Variants in DGKI observed in about 807,000 individuals in gnomAD.
DGKI encodes DAG kinase iota.
In DGKI, 55 loss-of-function variants were observed where a neutral mutation model predicts 147.5. That is an observed-to-expected ratio of 0.37 (90% CI 0.30 to 0.47). The LOEUF is 0.47. Among genes scored for constraint, DGKI ranks in the 20% least tolerant of loss-of-function variants. The probability of loss-of-function intolerance (pLI) is 1.00; values close to 1 mark genes in which losing one functional copy is unlikely to be tolerated. For missense variants in DGKI, 1,007 were observed against 1,323.8 expected (o/e 0.76, Z 3.71); for synonymous variants, 469 against 477.1 (o/e 0.98, Z 0.22).
chr7:137,832,677 C>T (rs1798252969), intron 1 of DGKI, among the ~76,000 whole-genome samples: 1 of 152,230 alleles, frequency 6.6e-6, no homozygotes, highest in Admixed American at 6.5e-5. Flanking sequence ...TCCCCATTGT[C>T]TTGGTGATTA....
In DGKI at chr7:137,794,868, C is replaced by A. The variant is rs537598830; in HGVS notation, c.401+51594G>T. ...ATTGTTCACAGAAATATTAGATATA[C>A]CATTCCCCTTGGAGACACAGATATC... On this transcript the variant is annotated intron_variant, in intron 1 of 32. Coordinates refer to ENST00000614521, the MANE Select transcript of DGKI (RefSeq NM_001321708.2). Among the ~76,000 whole-genome samples the A allele has an allele frequency of 5.9e-5, 9 of 152,298 alleles. No homozygotes were observed. The East Asian group carries it at 1.5e-3, about 26-fold the overall frequency.
At chr7:137,648,779 G>T (rs1300783265) in intron 5 of DGKI, among the ~76,000 whole-genome samples, 1 of 151,890 alleles carries the variant, frequency 6.6e-6, no homozygotes, top group Admixed American at 6.6e-5. Context: ...GGATAAGAGG[G>T]GACTACTGTA....
At chr7:137,664,795 A>G (rs1222300163) in intron 3 of DGKI, among the ~76,000 whole-genome samples, 4 of 152,234 alleles carry the variant, frequency 2.6e-5, no homozygotes, top group Non-Finnish European at 5.9e-5. Flanking sequence ...GAGACAGACA[A>G]CAAACAAGAG....
intron 1 of DGKI, among the ~76,000 whole-genome samples, chr7:137,742,951 T>C (rs1366653923): frequency 6.6e-6 from 1 of 151,956 alleles, no homozygotes; most frequent in African/African-American, 2.4e-5. Context: ...AAGTCACAAA[T>C]AGAAAACAAA....
chr7:137,572,362 G>A lies in DGKI; in HGVS notation c.1835+403C>T, dbSNP rs572798730. Among the ~76,000 whole-genome samples, 50 of 152,280 alleles carry A rather than the reference G, an allele frequency of 3.3e-4. 2 individuals carry two copies. The South Asian group carries it at 5.6e-3, about 17-fold the overall frequency. Reference sequence around the variant, plus strand: ...AAAGAAATCATCTGGCAACAATTTTGAATGAATTCCGCACTTGAATCAGAC... The same window carrying A: ...AAAGAAATCATCTGGCAACAATTTTAAATGAATTCCGCACTTGAATCAGAC... On this transcript the variant is annotated intron_variant, in intron 18 of 32. Coordinates refer to ENST00000614521, the MANE Select transcript of DGKI (RefSeq NM_001321708.2).
At chr7:137,787,888 G>A (rs1796721230) in intron 1 of DGKI, among the ~76,000 whole-genome samples, 1 of 152,026 alleles carries the variant, frequency 6.6e-6, no homozygotes, top group Non-Finnish European at 1.5e-5. Flanking sequence ...GGGAACTCAG[G>A]GGAAACTGTC....
At chr7:137,733,615 T>C (rs1044395287) in intron 1 of DGKI, among the ~76,000 whole-genome samples, 4 of 152,080 alleles carry the variant, frequency 2.6e-5, no homozygotes, top group African/African-American at 9.7e-5. Context: ...GCACTAAGTG[T>C]ACATCAGTGT....
intron 1 of DGKI, among the ~76,000 whole-genome samples, chr7:137,759,621 C>T (rs1025792252): frequency 6.6e-6 from 1 of 152,126 alleles, no homozygotes; most frequent in Non-Finnish European, 1.5e-5. Context: ...GGATTACAGG[C>T]GTAAGCCACC....
At chr7:137,521,790 A>C (rs1816968701) in intron 21 of DGKI, 76 bp downstream of exon 21, 2 of 1,014,458 alleles carry the variant, frequency 2.0e-6, no homozygotes, top group Admixed American at 3.8e-5. Flanking sequence ...AAATGAATCT[A>C]CCCATCAAAC....
At chr7:137,670,398 A>G (rs921035291) in intron 3 of DGKI, among the ~76,000 whole-genome samples, 3 of 152,204 alleles carry the variant, frequency 2.0e-5, no homozygotes, top group African/African-American at 7.2e-5. Context: ...GACAGTTGTC[A>G]TAGTAACAAT....
At chr7:137,404,200 A>G (rs960172242) in intron 30 of DGKI, among the ~76,000 whole-genome samples, 17 of 152,254 alleles carry the variant, frequency 1.1e-4, no homozygotes, top group Non-Finnish European at 2.4e-4. Flanking sequence ...ATAGTTTTCA[A>G]TAAAATGCAA....
At chr7:137,392,996 C>T (rs770853961) in intron 32 of DGKI, among the ~76,000 whole-genome samples, 2 of 152,134 alleles carry the variant, frequency 1.3e-5, no homozygotes, top group South Asian at 2.1e-4. Flanking sequence ...TAGAATATAA[C>T]GTTGAGTGAA....
chr7:137,664,438 G>T (rs1296165105), intron 3 of DGKI, among the ~76,000 whole-genome samples: 1 of 140,820 alleles, frequency 7.1e-6, no homozygotes, highest in Non-Finnish European at 1.6e-5. Context: ...AAAAGAAAAA[G>T]AAAGCATAGA....
chr7:137,488,563 A>T (rs1424294902), intron 21 of DGKI, among the ~76,000 whole-genome samples: 1 of 152,202 alleles, frequency 6.6e-6, no homozygotes, highest in Non-Finnish European at 1.5e-5. Flanking sequence ...GTACAATTAC[A>T]CGATTAAATC....
chr7:137,809,608 G>A (rs926622714), intron 1 of DGKI, among the ~76,000 whole-genome samples: 1 of 152,080 alleles, frequency 6.6e-6, no homozygotes, highest in Non-Finnish European at 1.5e-5. Flanking sequence ...AGAAGTTTTA[G>A]TTTAGTTAAA....
rs56871576 is a variant in DGKI, at chr7:137,472,323, T to TG, written c.2374-2705_2374-2704insC. ...ATTTATGTGTATATACATATAATTATTATATGTATATATACATATAATTAT... is the reference window on the plus strand; with the variant it reads ...ATTTATGTGTATATACATATAATTATGTATATGTATATATACATATAATTAT... On this transcript the variant is annotated intron_variant, in intron 23 of 32. Transcript: ENST00000614521. Among the ~76,000 whole-genome samples, 7 of 100,850 alleles carry TG rather than the reference T, an allele frequency of 6.9e-5. 1 individual carries two copies. The highest frequency in any genetic ancestry group is 2.6e-4 in the African/African-American group (5 of 19,216). 66.2% of individuals were successfully genotyped at this position (100,850 alleles called of 152,430 possible).
chr7:137,568,294 C>T (rs1200601159), intron 19 of DGKI, among the ~76,000 whole-genome samples: 2 of 152,166 alleles, frequency 1.3e-5, no homozygotes, highest in African/African-American at 4.8e-5. Flanking sequence ...TTTCCTTTTT[C>T]CAGAATGCCA....
chr7:137,406,930 C>CAAAAAAAAAAAAAAAAA lies in DGKI; in HGVS notation c.2920+928_2920+944dup, dbSNP rs3046570. Among the ~76,000 whole-genome samples, 5 of 92,544 alleles carry CAAAAAAAAAAAAAAAAA rather than the reference C, an allele frequency of 5.4e-5. 1 individual carries two copies. The highest frequency in any genetic ancestry group is 1.3e-4 in the African/African-American group (3 of 23,270). The allele number at this position is 92,544 out of a possible 152,430, so 60.7% of individuals were successfully genotyped here. Reference sequence around the variant, plus strand: ...GGAATAAGACATACTTGCTGAATTGCAAAAAAAAAAAAAAAAAAGGAGCAA... The same window carrying CAAAAAAAAAAAAAAAAA: ...GGAATAAGACATACTTGCTGAATTGCAAAAAAAAAAAAAAAAAAAAAAAAAAAAAAAAAAAGGAGCAA... On this transcript the variant is annotated intron_variant, in intron 30 of 32. Coordinates refer to ENST00000614521, the MANE Select transcript of DGKI (RefSeq NM_001321708.2).
intron 1 of DGKI, among the ~76,000 whole-genome samples, chr7:137,821,215 C>T (rs534669761): frequency 2.6e-5 from 4 of 152,300 alleles, no homozygotes; most frequent in South Asian, 2.1e-4. Context: ...CACAGCTTCA[C>T]GTCCGTAGTT....
Sources: allele counts gnomAD v4.1 joint callset (sites outside exome capture counted in the v4.1 genomes callset), GRCh38; gene constraint gnomAD v4.1.1; transcripts MANE v1.5; gene names NCBI Gene and HGNC (gene_info 2026-07-23, HGNC 2026-07-21).